Variants in PDE4D observed in about 807,000 individuals in gnomAD.
PDE4D encodes the protein phosphodiesterase 4D, also known as 3',5'-cyclic-AMP phosphodiesterase 4D.
In PDE4D, 24 loss-of-function variants were observed where a neutral mutation model predicts 87.4. That is an observed-to-expected ratio of 0.27 (90% CI 0.20 to 0.39). The LOEUF (loss-of-function observed/expected upper bound fraction) is 0.39. Among genes scored for constraint, PDE4D ranks in the 10% least tolerant of loss-of-function variants. The pLI, the probability that PDE4D is intolerant of heterozygous loss-of-function variation, is 1.00. For synonymous variants in PDE4D, 384 were observed against 383.2 expected, an observed-to-expected ratio of 1.00 and a Z score of -0.02; for missense variants, 714 against 1,041.0, an observed-to-expected ratio of 0.69 and a Z score of 4.32.
intron 1 of PDE4D, among the ~76,000 whole-genome samples, chr5:59,389,930 T>A (rs1325451047): frequency 1.3e-5 from 2 of 152,158 alleles, no homozygotes; most frequent in Non-Finnish European, 2.9e-5. Context: ...TAGTGTTCGA[T>A]AACACAGAAA....
chr5:59,263,603 C>T (rs935804246), intron 1 of PDE4D, among the ~76,000 whole-genome samples: 2 of 151,898 alleles, frequency 1.3e-5, no homozygotes, highest in Non-Finnish European at 2.9e-5. Flanking sequence ...ATTTGTATCT[C>T]AAACAAAAGT....
chr5:59,242,465 G>A (rs1757869710), intron 1 of PDE4D, among the ~76,000 whole-genome samples: 2 of 152,114 alleles, frequency 1.3e-5, no homozygotes, highest in African/African-American at 4.8e-5. Context: ...CTCCACTGGG[G>A]TGCATGGGTG....
Position 60,262,855 on chromosome 5 carries a change from G to A in PDE4D, c.-89-77168C>T, listed in dbSNP as rs180800054. Among the ~76,000 whole-genome samples, 25 of 152,226 alleles carry A rather than the reference G, an allele frequency of 1.6e-4. No homozygotes were observed. The East Asian group carries it at 4.8e-3, about 29-fold the overall frequency. ...GGAAGGGTTAGGGAGAATAGAGAGT[G>A]GAGAAAAATGCAGTTGGAATCAAAG... On this transcript the variant is annotated intron_variant, in intron 1 of 16. Coordinates refer to the PDE4D transcript ENST00000502484.
At chr5:59,403,571 G>A (rs916200761) in intron 1 of PDE4D, among the ~76,000 whole-genome samples, 4 of 151,932 alleles carry the variant, frequency 2.6e-5, no homozygotes, top group African/African-American at 9.7e-5. Flanking sequence ...TGATCTTTCT[G>A]TGCCTGGATA....
intron 1 of PDE4D, among the ~76,000 whole-genome samples, chr5:59,400,952 C>T (rs1327678413): frequency 6.6e-6 from 1 of 152,082 alleles, no homozygotes; most frequent in Admixed American, 6.5e-5. Flanking sequence ...CATCCCCATC[C>T]AAAAACCTAA....
chr5:59,704,182 C>G (rs1000641349), intron 1 of PDE4D, among the ~76,000 whole-genome samples: 23 of 152,138 alleles, frequency 1.5e-4, no homozygotes, highest in African/African-American at 5.6e-4. Flanking sequence ...TTATGCCACA[C>G]AATATTATGT....
chr5:60,361,023 T>A (rs1375423528), intron 1 of PDE4D, among the ~76,000 whole-genome samples: 1 of 152,186 alleles, frequency 6.6e-6, no homozygotes, highest in Non-Finnish European at 1.5e-5. Context: ...AAACACAATC[T>A]CAAACGCCAC....
intron 1 of PDE4D, among the ~76,000 whole-genome samples, chr5:59,658,783 G>T (rs768367032): frequency 3.9e-5 from 6 of 152,068 alleles, no homozygotes; most frequent in Admixed American, 3.3e-4. Flanking sequence ...TTAAAAAGTT[G>T]GTTGAGATCT....
At chr5:59,719,007 TAAA>T (rs397883539) in intron 1 of PDE4D, among the ~76,000 whole-genome samples, 138 of 139,698 alleles carry the variant, frequency 9.9e-4, no homozygotes, top group Non-Finnish European at 1.3e-3. Flanking sequence ...CTCTTAGAAT[TAAA>T]AAAAAAAAAA....
intron 1 of PDE4D, among the ~76,000 whole-genome samples, chr5:59,877,144 A>C (rs1748713733): frequency 6.6e-6 from 1 of 152,212 alleles, no homozygotes; most frequent in South Asian, 2.1e-4. Flanking sequence ...GGGTCTTAAG[A>C]ATAGTCATCC....
At chr5:59,025,109 T>G (rs888409974) in intron 6 of PDE4D, among the ~76,000 whole-genome samples, 2 of 152,166 alleles carry the variant, frequency 1.3e-5, no homozygotes, top group African/African-American at 4.8e-5. Context: ...TTTACAGTCT[T>G]TAGCCTCTTT....
chr5:59,614,303 A>G (rs1440847945), intron 1 of PDE4D, among the ~76,000 whole-genome samples: 2 of 152,226 alleles, frequency 1.3e-5, no homozygotes, highest in Non-Finnish European at 2.9e-5. Flanking sequence ...TAAGCATCTT[A>G]TTTTGGAGAA....
chr5:59,456,659 T>A (rs188186770), intron 1 of PDE4D, among the ~76,000 whole-genome samples: 1 of 152,316 alleles, frequency 6.6e-6, no homozygotes, highest in Admixed American at 6.5e-5. Flanking sequence ...TCTTCTGATG[T>A]ATATGGATAA....
intron 1 of PDE4D, among the ~76,000 whole-genome samples, chr5:60,338,491 C>A (rs920561604): frequency 6.6e-6 from 1 of 152,062 alleles, no homozygotes; most frequent in African/African-American, 2.4e-5. Flanking sequence ...AGTCAGAGTC[C>A]CAGCCTGAGT....
chr5:59,479,957 T>C (rs1483403669), intron 1 of PDE4D, among the ~76,000 whole-genome samples: 1 of 152,094 alleles, frequency 6.6e-6, no homozygotes. Flanking sequence ...GTATGCACAT[T>C]AACTTATAAT....
At chr5:59,139,473 A>G (rs1031838602) in intron 5 of PDE4D, among the ~76,000 whole-genome samples, 1 of 152,076 alleles carries the variant, frequency 6.6e-6, no homozygotes, top group Non-Finnish European at 1.5e-5. Flanking sequence ...GGACATCAAC[A>G]GGAGAGAGGT....
In PDE4D at chr5:59,356,189, T is replaced by C. The variant is rs572071531; in HGVS notation, c.456-140221A>G. 2.6e-3 allele frequency among the ~76,000 whole-genome samples: 394 copies of C among 152,316 alleles called. 2 individuals carry two copies. Among genetic ancestry groups the C allele is most frequent in the Non-Finnish European group, 4.2e-3 (289 of 68,014 alleles). On this transcript the variant is annotated intron_variant, in intron 1 of 14. Transcript: ENST00000340635. ...AGTTATTTGGTTAAAATAAGCTGAT[T>C]TTGTTGTAAAACAGTCATTGACAGT...
chr5:60,256,235 T>C (rs1236670292), intron 1 of PDE4D, among the ~76,000 whole-genome samples: 1 of 151,788 alleles, frequency 6.6e-6, no homozygotes. Flanking sequence ...AATCACATAA[T>C]CCCCAAACTC....
chr5:59,821,176 T>G (rs1342209526), intron 1 of PDE4D, among the ~76,000 whole-genome samples: 1 of 152,108 alleles, frequency 6.6e-6, no homozygotes, highest in Admixed American at 6.5e-5. Flanking sequence ...GAGATTGCAG[T>G]GAGCATTGAT....
Sources: allele counts gnomAD v4.1 joint callset (sites outside exome capture counted in the v4.1 genomes callset), GRCh38; gene constraint gnomAD v4.1.1; transcripts MANE v1.5; gene names NCBI Gene and HGNC (gene_info 2026-07-23, HGNC 2026-07-21).